COL20A1: variants seen among roughly 807,000 people sequenced by gnomAD.
COL20A1 encodes the protein collagen alpha-1(XX) chain.
COL20A1 carries 164 observed loss-of-function variants against 152.9 expected under a neutral mutation model. The ratio of observed to expected loss-of-function variants is 1.07; its 90% CI spans 0.94 to 1.22. The LOEUF (loss-of-function observed/expected upper bound fraction) is 1.22. COL20A1 is among the 50% of genes most tolerant of loss of function. The pLI is 0.00. For synonymous variants in COL20A1, 864 were observed against 756.0 expected (o/e 1.14, Z -2.34); for missense variants, 1,873 against 1,744.8 (o/e 1.07, Z -1.31).
chr20:63,309,185 C>T, intron 8 of COL20A1, 148 bp from the exon 9 acceptor site: 1 of 551,638 alleles, frequency 1.8e-6, no homozygotes, highest in Non-Finnish European at 2.9e-6. Flanking sequence ...CTCGGGAGCG[C>T]CTGGCCCAGC....
chr20:63,313,176 G>A lies in COL20A1; in HGVS notation c.2136G>A (p.Glu712=). 1 of 1,612,522 alleles carries A rather than the reference G, an allele frequency of 6.2e-7. No individual in the cohort carries two copies. Among genetic ancestry groups the A allele is most frequent in the Non-Finnish European group, 8.5e-7 (1 of 1,179,736 alleles). Reference sequence around the variant, plus strand: ...TGCCTGGCCTAGGGAGGCACACAGAGTACGACGTCACCATCTTGGCCTACT... The same window carrying A: ...TGCCTGGCCTAGGGAGGCACACAGAATACGACGTCACCATCTTGGCCTACT... ...AVLPGLGRHT[E]YDVTILAYYR... Residue 712 remains glutamate (E), a synonymous_variant, in exon 17 of 36, where the codon GAG becomes GAA. Coordinates refer to ENST00000358894, the MANE Select transcript of COL20A1 (RefSeq NM_020882.4). The surrounding 1 kb of genome is among the most constrained non-coding windows in gnomAD (Gnocchi z 5.9).
In COL20A1 at chr20:63,305,690, G is replaced by C. The variant is rs1306294799; in HGVS notation, c.337+130G>C. 2 of 1,194,568 alleles carry C rather than the reference G, an allele frequency of 1.7e-6. No homozygotes were observed. The highest frequency in any genetic ancestry group is 2.3e-6 in the Non-Finnish European group (2 of 861,298). The allele number at this position is 1,194,568 out of a possible 1,614,324, so 74.0% of individuals were successfully genotyped here. On this transcript the variant is annotated intron_variant, in intron 4 of 35. Transcript: ENST00000358894. This position sits in a 1 kb window ranked among gnomAD's most constrained non-coding sequence, Gnocchi z 4.9. Reference sequence around the variant, plus strand: ...GGTGGGTATGTGTGAAGCAGTTCTGGGCTGTGCTAGGGGCAGGTTCAAGTC... The same window carrying C: ...GGTGGGTATGTGTGAAGCAGTTCTGCGCTGTGCTAGGGGCAGGTTCAAGTC...
chr20:63,325,527 TTGG>T (rs2068232267), intron 28 of COL20A1, 33 bp downstream of exon 28: 1 of 1,595,964 alleles, frequency 6.3e-7, no homozygotes, highest in Non-Finnish European at 8.6e-7. Context: ...GCCACAGGGG[TTGG>T]TGGGGGTGGG....
intron 14 of COL20A1, among the ~76,000 whole-genome samples, 153 bp from the exon 15 acceptor site, chr20:63,312,267 G>C (rs2068018952): frequency 9.9e-5 from 15 of 152,248 alleles, no homozygotes; most frequent in Admixed American, 9.1e-4. Context: ...CTGCAGTTCT[G>C]TTGCCCTCCC....
At chr20:63,307,354 G>A (rs1395346270) in intron 5 of COL20A1, 136 bp from the exon 6 acceptor site, 2 of 762,884 alleles carry the variant, frequency 2.6e-6, no homozygotes, top group Non-Finnish European at 4.2e-6. Flanking sequence ...GAGGCCTGAG[G>A]GCCTTGGAGT....
At position 63,307,026 on chromosome 20, in the gene COL20A1, C is replaced by T. The variant is rs558269947; in HGVS notation, c.497-464C>T. 3.9e-5 allele frequency among the ~76,000 whole-genome samples: 6 copies of T among 152,332 alleles called. No homozygotes were observed. In the East Asian group the frequency reaches 9.7e-4, roughly 25 times the overall value. ...GCTGCTGGCCTCGTTCAGGCATCTCCCCGGGGGTCTGGCCCTGGCTCTGGG... is the reference window on the plus strand; with the variant it reads ...GCTGCTGGCCTCGTTCAGGCATCTCTCCGGGGGTCTGGCCCTGGCTCTGGG... On this transcript the variant is annotated intron_variant, in intron 5 of 35. Transcript: ENST00000358894.
intron 1 of COL20A1, 35 bp from the exon 2 acceptor site, chr20:63,295,063 G>A (rs753809030): frequency 5.1e-6 from 7 of 1,377,732 alleles, no homozygotes; most frequent in Non-Finnish European, 7.0e-6. Context: ...CAGACGGGGG[G>A]ACGGCTGAAG....
At chr20:63,318,054 T>G (rs2068107276) in intron 21 of COL20A1, among the ~76,000 whole-genome samples, 1 of 152,162 alleles carries the variant, frequency 6.6e-6, no homozygotes, top group African/African-American at 2.4e-5. Context: ...ACAGGGTGGC[T>G]GTTTCCATGA....
intron 3 of COL20A1, among the ~76,000 whole-genome samples, chr20:63,301,328 C>T (rs1010562977): frequency 2.0e-5 from 3 of 152,116 alleles, no homozygotes; most frequent in Non-Finnish European, 2.9e-5. Flanking sequence ...AAAAAAGTAC[C>T]TCGCTTTATG....
intron 27 of COL20A1, among the ~76,000 whole-genome samples, chr20:63,322,752 C>T (rs1356064027): frequency 6.6e-6 from 1 of 152,238 alleles, no homozygotes; most frequent in African/African-American, 2.4e-5. Flanking sequence ...AAGGCGTGGT[C>T]GGCATGCAGC....
In COL20A1 at chr20:63,305,351, C is replaced by A; in HGVS notation, c.194-66C>A. 7.6e-7 allele frequency: 1 copy of A among 1,322,980 alleles called. No individual in the cohort carries two copies. Among genetic ancestry groups the A allele is most frequent in the Non-Finnish European group, 9.8e-7 (1 of 1,021,432 alleles). 82.0% of individuals were successfully genotyped at this position (1,322,980 alleles called of 1,614,324 possible). ...GAGGAGGAGCCAAGAGGGTTTCACT[C>A]CCCGCCGTGACAGATGCACACACGT... On this transcript the variant is annotated intron_variant, in intron 3 of 35. Transcript: ENST00000358894. This position sits in a 1 kb window ranked among gnomAD's most constrained non-coding sequence, Gnocchi z 4.9.
At chr20:63,323,323 C>T (rs6062894) in intron 27 of COL20A1, among the ~76,000 whole-genome samples, 124,237 of 152,248 alleles carry the variant, frequency 0.82, 51,776 homozygotes, top group East Asian at 0.99. Flanking sequence ...TTGTTTGCGA[C>T]GTGCGTTTCC....
At chr20:63,299,709 C>T (rs1343922538) in intron 3 of COL20A1, among the ~76,000 whole-genome samples, 1 of 151,990 alleles carries the variant, frequency 6.6e-6, no homozygotes, top group Non-Finnish European at 1.5e-5. Flanking sequence ...CAAGAGAATG[C>T]ATTATTTTTT....
Position 63,311,028 on chromosome 20 carries a change from C to A in COL20A1, c.1394-366C>A, listed in dbSNP as rs1443981112. 6.7e-6 allele frequency among the ~76,000 whole-genome samples: 1 copy of A among 150,022 alleles called. No homozygotes were observed. The highest frequency in any genetic ancestry group is 6.6e-5 in the Admixed American group (1 of 15,186). ...CCCTGCACCCCTAAGCACCCGCCCC[C>A]CCAGCCACCCCAAGCCACCTTCTGT... On this transcript the variant is annotated intron_variant, in intron 11 of 35. Coordinates refer to ENST00000358894, the MANE Select transcript of COL20A1 (RefSeq NM_020882.4). This position sits in a 1 kb window ranked among gnomAD's most constrained non-coding sequence, Gnocchi z 4.4.
At chr20:63,316,407 C>A in intron 20 of COL20A1, 146 bp from the exon 21 acceptor site, 1 of 406,866 alleles carries the variant, frequency 2.5e-6, no homozygotes, top group Non-Finnish European at 4.3e-6. Flanking sequence ...CCTGTGCTGA[C>A]TTCCCACCCA....
At chr20:63,323,873 C>T (rs981210652) in intron 27 of COL20A1, among the ~76,000 whole-genome samples, 5 of 140,296 alleles carry the variant, frequency 3.6e-5, no homozygotes, top group African/African-American at 1.7e-4. Flanking sequence ...ATCGACTTAT[C>T]CGTTTAACCT....
chr20:63,307,869 C>A, intron 6 of COL20A1, 102 bp from the exon 7 acceptor site: 2 of 1,421,012 alleles, frequency 1.4e-6, no homozygotes, highest in Admixed American at 2.0e-5. Flanking sequence ...GGCCAGGTGA[C>A]CCCACAGAGG....
chr20:63,309,630 CT>C (rs1446323958), intron 9 of COL20A1, 127 bp from the exon 10 acceptor site: 2 of 1,246,742 alleles, frequency 1.6e-6, no homozygotes, highest in African/African-American at 1.5e-5. Context: ...GCAGCACCCC[CT>C]TACATCTGTC....
chr20:63,316,772 G>C, intron 21 of COL20A1, 81 bp downstream of exon 21: 1 of 1,306,920 alleles, frequency 7.7e-7, no homozygotes, highest in Non-Finnish European at 1.0e-6. Flanking sequence ...GGGGGGGCGG[G>C]CATGGGCCGG....
Sources: allele counts gnomAD v4.1 joint callset (sites outside exome capture counted in the v4.1 genomes callset), GRCh38; gene constraint gnomAD v4.1.1; non-coding constraint Gnocchi (gnomAD v3.1); transcripts MANE v1.5; gene names NCBI Gene and HGNC (gene_info 2026-07-23, HGNC 2026-07-21).